The following DNAAF10 variants were observed in gnomAD, a reference collection of about 807,000 sequenced individuals.
DNAAF10 encodes WD repeat domain 92.
In DNAAF10, 28 loss-of-function variants were observed where a neutral mutation model predicts 43.7. The observed-to-expected ratio is 0.64, with a 90% CI of 0.48 to 0.88. The LOEUF (loss-of-function observed/expected upper bound fraction) is 0.88, where lower values mean the gene tolerates loss of function less well. Ranked by LOEUF, DNAAF10 falls within the 40% of genes least tolerant of loss-of-function variation. The pLI, the probability that DNAAF10 is intolerant of heterozygous loss-of-function variation, is 0.00. For synonymous variants in DNAAF10, 156 were observed against 157.3 expected (o/e 0.99, Z 0.06); for missense variants, 403 against 439.1 (o/e 0.92, Z 0.73).
At chr2:68,136,771 A>G (rs7560014) in intron 6 of DNAAF10, among the ~76,000 whole-genome samples, 110,688 of 151,492 alleles carry the variant, frequency 0.73, 41,587 homozygotes, top group African/African-American at 0.93. Flanking sequence ...GTCTAACGCC[A>G]TAATACCGCA....
chr2:68,144,732 G>C lies in DNAAF10; in HGVS notation c.285-17C>G. Reference sequence around the variant, plus strand: ...TCTAAATTCCTAAACAACAAACACAGCTTCTTACACCACATATCCCAAACA... The same window carrying C: ...TCTAAATTCCTAAACAACAAACACACCTTCTTACACCACATATCCCAAACA... On this transcript the variant is annotated splice_polypyrimidine_tract_variant and intron_variant, in intron 2 of 7. Coordinates refer to ENST00000295121, the MANE Select transcript of DNAAF10 (RefSeq NM_138458.4). The C allele has an allele frequency of 6.2e-7, 1 of 1,603,640 alleles. No homozygotes were observed. Among genetic ancestry groups the C allele is most frequent in the Non-Finnish European group, 8.5e-7 (1 of 1,177,608 alleles).
rs373661202 is a variant in DNAAF10, at chr2:68,137,450, C to T, written c.634-17G>A. ...GCTACACACCTGAAAACAGAGAATA[C>T]TTATTATTGGTAGTCTCACCAGTAT... On this transcript the variant is annotated splice_polypyrimidine_tract_variant and intron_variant, in intron 5 of 7. Coordinates refer to ENST00000295121, the MANE Select transcript of DNAAF10 (RefSeq NM_138458.4). 32 of 1,601,116 alleles carry T rather than the reference C, an allele frequency of 2.0e-5. No individual in the cohort carries two copies. Among genetic ancestry groups the T allele is most frequent in the Non-Finnish European group, 2.7e-5 (32 of 1,174,248 alleles).
chr2:68,131,563 A>G (rs1184411450), intron 7 of DNAAF10, 118 bp from the exon 8 acceptor site: 1 of 956,760 alleles, frequency 1.0e-6, no homozygotes, highest in Non-Finnish European at 1.6e-6. Context: ...ATAAATACTT[A>G]AAGAATCTTT....
At position 68,144,633 on chromosome 2, in the gene DNAAF10, G is replaced by C. The variant is rs774001429; in HGVS notation, c.367C>G (p.Leu123Val). ...IINAIDGIGG[L>V]GIGEGAPEIV... ...TCAGGTGCTCCTTCTCCAATTCCTAGTCCACCTATGCCATCTATGGCATTT... is the reference window on the plus strand; with the variant it reads ...TCAGGTGCTCCTTCTCCAATTCCTACTCCACCTATGCCATCTATGGCATTT... The change falls in exon 3 of 8, where the codon CTA (leucine) becomes GTA (valine). Residue 123 changes from leucine to valine, a missense_variant. Leu to Val is a conservative substitution (Grantham distance 32). Transcript: ENST00000295121. The C allele has an allele frequency of 6.8e-6, 11 of 1,613,880 alleles. No homozygotes were observed. In the Admixed American group the frequency reaches 1.7e-4, roughly 24 times the overall value.
intron 1 of DNAAF10, among the ~76,000 whole-genome samples, chr2:68,152,473 A>C (rs1673480504): frequency 6.6e-6 from 1 of 152,178 alleles, no homozygotes; most frequent in African/African-American, 2.4e-5. Flanking sequence ...AATAATAATA[A>C]TAGCTAAATT....
rs1672918905 is a variant in DNAAF10 at position 68,130,940 on chromosome 2, C to CGG, written c.*297_*298insCC. On this transcript the variant is annotated 3_prime_UTR_variant, in exon 8 of 8. Transcript: ENST00000295121. ...TTTTTTTTTTTTTTTTTTTTTGAGA[C>CGG]AGTCTTGCTCAGTTGCCCAGGCTGG... The CGG allele has an allele frequency of 9.1e-6, 1 of 110,294 alleles. No individual in the cohort carries two copies. The highest frequency in any genetic ancestry group is 1.7e-5 in the Non-Finnish European group (1 of 58,684). 6.8% of individuals were successfully genotyped at this position (110,294 alleles called of 1,614,324 possible).
intron 1 of DNAAF10, among the ~76,000 whole-genome samples, chr2:68,152,410 C>G (rs1673479126): frequency 6.6e-6 from 1 of 152,174 alleles, no homozygotes; most frequent in Admixed American, 6.6e-5. Context: ...GCTCTGTTGG[C>G]AAACTGACTT....
intron 3 of DNAAF10, among the ~76,000 whole-genome samples, chr2:68,144,013 T>A (rs770142525): frequency 6.6e-6 from 1 of 152,222 alleles, no homozygotes; most frequent in Non-Finnish European, 1.5e-5. Flanking sequence ...AAATTTCTCA[T>A]GTACCCCTCG....
intron 1 of DNAAF10, 123 bp downstream of exon 1, chr2:68,157,138 G>A (rs1673643763): frequency 7.5e-7 from 1 of 1,325,448 alleles, no homozygotes; most frequent in Middle Eastern, 2.4e-4. Flanking sequence ...AGCTTCTCTG[G>A]TCTCGCGCGG....
chr2:68,153,980 C>G (rs1025736315), intron 1 of DNAAF10, among the ~76,000 whole-genome samples: 1 of 151,926 alleles, frequency 6.6e-6, no homozygotes, highest in Non-Finnish European at 1.5e-5. Flanking sequence ...GTCTTGCTCT[C>G]CTGACCTTGT....
intron 3 of DNAAF10, among the ~76,000 whole-genome samples, chr2:68,144,049 TTAA>T (rs1673253898): frequency 6.6e-6 from 1 of 152,172 alleles, no homozygotes. Flanking sequence ...TCTGACTCTA[TTAA>T]AGTCATGCAG....
rs753404196 is a variant in DNAAF10, at chr2:68,157,447, G to C, written c.-4C>G. The stretch of plus-strand genomic sequence containing the variant: ...GAGGCTTCTCGAAGGCCGACATGGT[G>C]CAGCCAATTTCAGCTACGGCAACCG... On this transcript the variant is annotated 5_prime_UTR_variant, in exon 1 of 8. Transcript: ENST00000295121. The C allele has an allele frequency of 1.2e-6, 2 of 1,614,148 alleles. No individual in the cohort carries two copies. Among genetic ancestry groups the C allele is most frequent in the African/African-American group, 1.3e-5 (1 of 75,044 alleles).
At chr2:68,151,235 C>A (rs77735628) in intron 1 of DNAAF10, among the ~76,000 whole-genome samples, 10,205 of 152,194 alleles carry the variant, frequency 0.067, 395 homozygotes, top group Middle Eastern at 0.19. Context: ...TGTTTCCTGC[C>A]TTCTCTACTA....
chr2:68,149,122 C>T (rs757411582), intron 1 of DNAAF10, among the ~76,000 whole-genome samples: 1 of 152,152 alleles, frequency 6.6e-6, no homozygotes, highest in Non-Finnish European at 1.5e-5. Flanking sequence ...TTTATCCAGG[C>T]ATTTCTATAT....
chr2:68,155,335 T>C (rs1673568893), intron 1 of DNAAF10, among the ~76,000 whole-genome samples: 1 of 150,896 alleles, frequency 6.6e-6, no homozygotes, highest in Non-Finnish European at 1.5e-5. Flanking sequence ...CTACTAAAAA[T>C]ACAAAAAAAT....
At position 68,130,115 on chromosome 2, in the gene DNAAF10, G is replaced by GAGAGAGATATATATATAT. The variant is rs1453152500; in HGVS notation, c.*1122_*1123insATATATATATATCTCTCT. ...CAACCGTGCCGTTTTGAGAGAGAGA[G>GAGAGAGATATATATATAT]ATATATATATATATATTTGTTTTTT... On this transcript the variant is annotated 3_prime_UTR_variant, in exon 8 of 8. Transcript: ENST00000295121. 1.5e-5 allele frequency: 2 copies of GAGAGAGATATATATATAT among 132,948 alleles called. No homozygotes were observed. The highest frequency in any genetic ancestry group is 5.8e-5 in the African/African-American group (2 of 34,264). 8.2% of individuals were successfully genotyped at this position (132,948 alleles called of 1,614,324 possible).
chr2:68,135,508 C>T (rs948391081), intron 6 of DNAAF10, among the ~76,000 whole-genome samples: 16 of 152,140 alleles, frequency 1.1e-4, no homozygotes, highest in South Asian at 2.1e-4. Context: ...TCCATCCCGG[C>T]GCCACTGCAT....
At chr2:68,133,998 C>T in intron 7 of DNAAF10, 1 of 406,226 alleles carries the variant, frequency 2.5e-6, no homozygotes, top group Non-Finnish European at 3.3e-6. Context: ...GCTGTTTTTT[C>T]CCTGAGTGAT....
Position 68,138,856 on chromosome 2 carries a change from G to A in DNAAF10, c.519C>T (p.Gly173=). 6.2e-7 allele frequency: 1 copy of A among 1,606,114 alleles called. No individual in the cohort carries two copies. The highest frequency in any genetic ancestry group is 8.5e-7 in the Non-Finnish European group (1 of 1,173,118). The change falls in exon 5 of 8, where the codon GGC becomes GGT. Residue 173 remains glycine (G), a splice_region_variant and synonymous_variant. Transcript: ENST00000295121. ...NKRDCWTVAF[G]NAYNQEERVV... is the part of the protein sequence containing the mutation. ...CACGTTCTTCTTGATTATAAGCATT[G>A]CCTGGAAATCAAGATACAACATTTC...
Sources: allele counts gnomAD v4.1 joint callset (sites outside exome capture counted in the v4.1 genomes callset), GRCh38; gene constraint gnomAD v4.1.1; transcripts MANE v1.5; gene names NCBI Gene and HGNC (gene_info 2026-07-23, HGNC 2026-07-21).